The following SLC16A7 variants were observed in gnomAD, a reference collection of about 807,000 sequenced individuals.
SLC16A7 encodes the protein monocarboxylate transporter 2.
In SLC16A7, 33 loss-of-function variants were observed where a neutral mutation model predicts 34.9. The observed-to-expected ratio is 0.94, with a 90% CI of 0.72 to 1.26. The LOEUF is 1.26. Ranked by LOEUF, SLC16A7 falls within the 50% of genes most tolerant of loss-of-function variation. SLC16A7 has a pLI of 0.00. For synonymous variants in SLC16A7, 201 were observed against 206.6 expected (o/e 0.97, Z 0.23); for missense variants, 573 against 578.1 (o/e 0.99, Z 0.09).
intron 3 of SLC16A7, among the ~76,000 whole-genome samples, chr12:59,738,458 G>T (rs1311607927): frequency 6.6e-6 from 1 of 152,172 alleles, no homozygotes; most frequent in Non-Finnish European, 1.5e-5. Context: ...CAGATGAACT[G>T]GGGAGGAAGA....
At chr12:59,776,504 C>T (rs1565719275) in intron 5 of SLC16A7, among the ~76,000 whole-genome samples, 2 of 152,176 alleles carry the variant, frequency 1.3e-5, no homozygotes, top group Non-Finnish European at 2.9e-5. Context: ...CTTAAGTATT[C>T]ACTTAGACTC....
chr12:59,681,465 A>G (rs189357917), intron 2 of SLC16A7, among the ~76,000 whole-genome samples: 160 of 151,960 alleles, frequency 1.1e-3, no homozygotes, highest in Admixed American at 2.2e-3. Context: ...TTTTTTATCT[A>G]GATACTTCTG....
intron 2 of SLC16A7, among the ~76,000 whole-genome samples, chr12:59,702,838 T>C (rs1441781573): frequency 6.6e-6 from 1 of 152,070 alleles, no homozygotes; most frequent in Non-Finnish European, 1.5e-5. Flanking sequence ...CACTCGGCAG[T>C]CTTATTTCTA....
chr12:59,749,531 T>A (rs906511893), intron 3 of SLC16A7, among the ~76,000 whole-genome samples: 1 of 152,050 alleles, frequency 6.6e-6, no homozygotes, highest in Admixed American at 6.6e-5. Flanking sequence ...GGAGGTGAGG[T>A]CATAGCACCT....
At chr12:59,621,393 A>G (rs1159047369) in intron 1 of SLC16A7, among the ~76,000 whole-genome samples, 1 of 151,912 alleles carries the variant, frequency 6.6e-6, no homozygotes, top group Non-Finnish European at 1.5e-5. Context: ...GCTACCACCC[A>G]TCATTCACTC....
intron 2 of SLC16A7, among the ~76,000 whole-genome samples, chr12:59,690,770 G>A (rs529876156): frequency 6.6e-6 from 1 of 151,956 alleles, no homozygotes; most frequent in East Asian, 1.9e-4. Flanking sequence ...GTGTCTGCTG[G>A]TTCTCAAAAT....
At chr12:59,657,389 A>G (rs773228240) in intron 2 of SLC16A7, among the ~76,000 whole-genome samples, 1 of 151,854 alleles carries the variant, frequency 6.6e-6, no homozygotes. Context: ...TAGCTGTTTT[A>G]TATTGTGAGT....
Position 59,686,038 on chromosome 12 carries a change from G to A in SLC16A7, c.-30-18734G>A, listed in dbSNP as rs559203802. Among the ~76,000 whole-genome samples the A allele has an allele frequency of 2.2e-4, 33 of 150,658 alleles. No homozygotes were observed. In the South Asian group the frequency reaches 4.2e-3, roughly 19 times the overall value. Reference sequence around the variant, plus strand: ...TCTAGTATTTAATTGTTAAGCACAGGCCCTGTCTGCTTATATAATGTAATT... The same window carrying A: ...TCTAGTATTTAATTGTTAAGCACAGACCCTGTCTGCTTATATAATGTAATT... On this transcript the variant is annotated intron_variant, in intron 2 of 5. Coordinates refer to ENST00000547379, the MANE Select transcript of SLC16A7 (RefSeq NM_001270623.2).
At chr12:59,676,543 C>A (rs1471352432) in intron 2 of SLC16A7, among the ~76,000 whole-genome samples, 5 of 151,930 alleles carry the variant, frequency 3.3e-5, no homozygotes, top group East Asian at 3.9e-4. Context: ...ATGTGAAGAA[C>A]AATTATAAAC....
intron 3 of SLC16A7, among the ~76,000 whole-genome samples, chr12:59,768,694 G>T (rs1881926937): frequency 6.6e-6 from 1 of 152,072 alleles, no homozygotes; most frequent in African/African-American, 2.4e-5. Context: ...AAACTTGTTT[G>T]TCTTATTTTA....
At chr12:59,707,219 G>C (rs892434757) in intron 3 of SLC16A7, among the ~76,000 whole-genome samples, 13 of 152,054 alleles carry the variant, frequency 8.5e-5, no homozygotes, top group Admixed American at 1.3e-4. Flanking sequence ...AGAGTTAGGG[G>C]CCATGGATGC....
chr12:59,765,617 A>G (rs1167744226), intron 3 of SLC16A7, among the ~76,000 whole-genome samples: 7 of 152,228 alleles, frequency 4.6e-5, no homozygotes, highest in Admixed American at 3.9e-4. Context: ...TGATTTTGTC[A>G]GTTTTGTCAA....
intron 2 of SLC16A7, among the ~76,000 whole-genome samples, chr12:59,700,647 C>T (rs1025481576): frequency 1.8e-4 from 27 of 151,160 alleles, no homozygotes; most frequent in Non-Finnish European, 2.7e-4. Context: ...CATATACACA[C>T]GTACATATAT....
At chr12:59,627,330 G>C (rs1407088631) in intron 1 of SLC16A7, among the ~76,000 whole-genome samples, 1 of 151,824 alleles carries the variant, frequency 6.6e-6, no homozygotes, top group Non-Finnish European at 1.5e-5. Context: ...CATAAAGTTT[G>C]ATAGACCAGT....
At chr12:59,727,538 A>G (rs985929614) in intron 3 of SLC16A7, among the ~76,000 whole-genome samples, 3 of 152,152 alleles carry the variant, frequency 2.0e-5, no homozygotes, top group African/African-American at 7.2e-5. Flanking sequence ...TTTTCCAGAT[A>G]AACATCATGA....
chr12:59,771,156 TTAAAGA>T, intron 3 of SLC16A7, 57 bp from the exon 4 acceptor site: 2 of 1,504,150 alleles, frequency 1.3e-6, no homozygotes. Context: ...TGATTGGATG[TTAAAGA>T]TAAACAAATA....
At chr12:59,696,619 A>G (rs1872325924) in intron 2 of SLC16A7, 1 of 152,026 alleles carries the variant, frequency 6.6e-6, no homozygotes, top group African/African-American at 2.4e-5. Context: ...ATTGTATGAA[A>G]ATGTTACAGA....
chr12:59,767,967 T>C (rs1259983436), intron 3 of SLC16A7, among the ~76,000 whole-genome samples: 1 of 144,382 alleles, frequency 6.9e-6, no homozygotes, highest in Non-Finnish European at 1.5e-5. Flanking sequence ...GGGGGAGGGA[T>C]AGCATTAGGA....
intron 3 of SLC16A7, among the ~76,000 whole-genome samples, chr12:59,720,544 A>G (rs181593629): frequency 7.0e-4 from 107 of 152,202 alleles, no homozygotes; most frequent in African/African-American, 2.5e-3. Flanking sequence ...GGGGAAAATT[A>G]TATATCCAAT....
Sources: gnomAD v4.1 joint callset for allele counts (sites outside exome capture counted in the v4.1 genomes callset) on GRCh38, gnomAD v4.1.1 for gene constraint, MANE v1.5 for transcripts, NCBI Gene and HGNC (gene_info 2026-07-23, HGNC 2026-07-21) for gene names.